The following ZNF385D variants were observed in gnomAD, a reference collection of about 807,000 sequenced individuals.
ZNF385D encodes the protein zinc finger protein 385D, also known as zinc finger protein 659.
A neutral mutation model predicts 35.8 loss-of-function variants in ZNF385D; 15 were observed. That is an observed-to-expected ratio of 0.42 (90% CI 0.28 to 0.64). The LOEUF (loss-of-function observed/expected upper bound fraction) is 0.64. Among genes scored for constraint, ZNF385D ranks in the 30% least tolerant of loss-of-function variants. The probability of loss-of-function intolerance (pLI) is 0.23; values close to 1 mark genes in which losing one functional copy is unlikely to be tolerated. For missense variants in ZNF385D, 474 were observed against 494.6 expected, an observed-to-expected ratio of 0.96 and a Z score of 0.39; for synonymous variants, 212 against 186.8, an observed-to-expected ratio of 1.13 and a Z score of -1.10.
chr3:22,138,320 A>C (rs1704281070), intron 3 of ZNF385D, among the ~76,000 whole-genome samples: 6 of 152,232 alleles, frequency 3.9e-5, no homozygotes, highest in Admixed American at 3.9e-4. Flanking sequence ...AAACTACTTT[A>C]CAGTTCATAT....
At chr3:21,792,803 G>C (rs4629355) in intron 3 of ZNF385D, among the ~76,000 whole-genome samples, 11,296 of 152,254 alleles carry the variant, frequency 0.074, 569 homozygotes, top group South Asian at 0.11. Flanking sequence ...CTTTCATCTA[G>C]AGCATCCAGC....
At chr3:21,829,297 GTC>G (rs1243481239) in intron 3 of ZNF385D, among the ~76,000 whole-genome samples, 1 of 152,128 alleles carries the variant, frequency 6.6e-6, no homozygotes, top group Non-Finnish European at 1.5e-5. Flanking sequence ...GCCAGAAAAA[GTC>G]TCTGAGATAT....
At chr3:22,042,328 A>AT (rs1698716695) in intron 3 of ZNF385D, among the ~76,000 whole-genome samples, 1 of 152,094 alleles carries the variant, frequency 6.6e-6, no homozygotes, top group Non-Finnish European at 1.5e-5. Flanking sequence ...TATGGCCCAT[A>AT]TTAAGTGCCC....
At chr3:22,206,449 G>T (rs1222025071) in intron 2 of ZNF385D, among the ~76,000 whole-genome samples, 6 of 151,866 alleles carry the variant, frequency 4.0e-5, no homozygotes, top group Admixed American at 2.6e-4. Flanking sequence ...TATTTACAGA[G>T]AATTTCATCC....
At chr3:21,689,434 G>T (rs2125338168) in intron 1 of ZNF385D, among the ~76,000 whole-genome samples, 1 of 152,222 alleles carries the variant, frequency 6.6e-6, no homozygotes, top group South Asian at 2.1e-4. Flanking sequence ...TAAAGAACCT[G>T]CAGATTGATT....
chr3:21,572,964 C>A lies in ZNF385D; in HGVS notation c.166-8280G>T, dbSNP rs1443483775. On this transcript the variant is annotated intron_variant, in intron 2 of 7. Coordinates refer to ENST00000281523, the MANE Select transcript of ZNF385D (RefSeq NM_024697.3). ...GAAGTAGACACTTTTTTTTTTACTC[C>A]ATTTTTTATATGAGAATTTTTAAGC... 2.0e-5 allele frequency among the ~76,000 whole-genome samples: 3 copies of A among 151,622 alleles called. No individual in the cohort carries two copies. In the East Asian group the frequency reaches 5.8e-4, roughly 29 times the overall value.
chr3:21,415,840 T>A lies in ZNF385D; in HGVS notation c.*5374A>T, dbSNP rs1700555296. The A allele has an allele frequency of 6.6e-6, 1 of 152,092 alleles. No individual in the cohort carries two copies. The highest frequency in any genetic ancestry group is 2.1e-4 in the South Asian group (1 of 4,828). The allele number at this position is 152,092 out of a possible 1,614,324, so 9.4% of individuals were successfully genotyped here. On this transcript the variant is annotated 3_prime_UTR_variant, in exon 8 of 8. Transcript: ENST00000281523. Reference sequence around the variant, plus strand: ...TTTACTTCGTTTGACAAATACATTTTAGCAGTTTCTACAGTCAACTTAGCC... The same window carrying A: ...TTTACTTCGTTTGACAAATACATTTAAGCAGTTTCTACAGTCAACTTAGCC...
At chr3:21,615,377 G>A (rs2064816085) in intron 2 of ZNF385D, among the ~76,000 whole-genome samples, 1 of 152,120 alleles carries the variant, frequency 6.6e-6, no homozygotes, top group Non-Finnish European at 1.5e-5. Context: ...AGAACTGTAA[G>A]GCAAATAAAC....
At chr3:21,752,824 G>GT (rs1375585679), upstream of ZNF385D, among the ~76,000 whole-genome samples, 3 of 152,216 alleles carry the variant, frequency 2.0e-5, no homozygotes, top group East Asian at 1.9e-4. Context: ...ATGCGTAAAT[G>GT]TTTTTTCCTT....
chr3:22,257,008 A>G (rs1700351786), intron 2 of ZNF385D, among the ~76,000 whole-genome samples: 1 of 151,920 alleles, frequency 6.6e-6, no homozygotes, highest in African/African-American at 2.4e-5. Context: ...AATAAGGCAC[A>G]TGTCAGTCAG....
At chr3:21,788,577 C>A (rs2125654040) in intron 3 of ZNF385D, among the ~76,000 whole-genome samples, 1 of 152,292 alleles carries the variant, frequency 6.6e-6, no homozygotes, top group Non-Finnish European at 1.5e-5. Flanking sequence ...AGTACATTGT[C>A]TTTGAATCAA....
Position 21,539,511 on chromosome 3 carries a change from T to A in ZNF385D, c.276+25063A>T, listed in dbSNP as rs1243669578. Among the ~76,000 whole-genome samples the A allele has an allele frequency of 6.6e-6, 1 of 152,208 alleles. No homozygotes were observed. ...TAGAAGGACATGACTTCTAATTAAA[T>A]CCACATTATTCAGTAATTTCATATG... On this transcript the variant is annotated intron_variant, in intron 3 of 7. Coordinates refer to ENST00000281523, the MANE Select transcript of ZNF385D (RefSeq NM_024697.3). The surrounding 1 kb of genome is among the most constrained non-coding windows in gnomAD (Gnocchi z 4.0).
intron 2 of ZNF385D, among the ~76,000 whole-genome samples, chr3:22,183,480 C>T (rs574322872): frequency 6.6e-6 from 1 of 152,150 alleles, no homozygotes; most frequent in South Asian, 2.1e-4. Flanking sequence ...GCCTCAGCCT[C>T]CTGAGTAGCT....
intron 3 of ZNF385D, among the ~76,000 whole-genome samples, chr3:21,517,366 G>T (rs1707638198): frequency 6.6e-6 from 1 of 152,124 alleles, no homozygotes; most frequent in Non-Finnish European, 1.5e-5. Context: ...CCAGGGCTAA[G>T]ATGCCTGCAG....
At chr3:21,847,029 T>C (rs1696050080) in intron 3 of ZNF385D, among the ~76,000 whole-genome samples, 1 of 152,060 alleles carries the variant, frequency 6.6e-6, no homozygotes, top group African/African-American at 2.4e-5. Flanking sequence ...AACCAGGTAC[T>C]TTTGTGTTAC....
intron 3 of ZNF385D, among the ~76,000 whole-genome samples, chr3:22,130,473 T>A (rs1703713200): frequency 6.6e-6 from 1 of 152,198 alleles, no homozygotes. Flanking sequence ...ACTCCAGTTC[T>A]GATAACTGGG....
intron 2 of ZNF385D, among the ~76,000 whole-genome samples, chr3:22,228,646 A>G (rs1056020077): frequency 2.0e-5 from 3 of 152,220 alleles, no homozygotes; most frequent in African/African-American, 7.2e-5. Flanking sequence ...TGAAGGTTGC[A>G]AAGTATTGTT....
chr3:21,991,675 C>G (rs1006174562), intron 3 of ZNF385D, among the ~76,000 whole-genome samples: 41 of 152,072 alleles, frequency 2.7e-4, no homozygotes, highest in Admixed American at 1.1e-3. Context: ...GTCCTAAGAG[C>G]CTAGGAGGTA....
chr3:22,098,090 T>C lies in ZNF385D; in HGVS notation c.325+70727A>G, dbSNP rs184222798. ...AAGAGGTGGTGGTAGTGGTGGTATATGTTGGGAAAAGACTGTCCACAAAAC... is the reference window on the plus strand; with the variant it reads ...AAGAGGTGGTGGTAGTGGTGGTATACGTTGGGAAAAGACTGTCCACAAAAC... On this transcript the variant is annotated intron_variant, in intron 3 of 5. Transcript: ENST00000494108. 7.8e-3 allele frequency among the ~76,000 whole-genome samples: 1,187 copies of C among 152,158 alleles called. 10 individuals are homozygous for C. Among genetic ancestry groups the C allele is most frequent in the Non-Finnish European group, 9.6e-3 (654 of 67,980 alleles).
Sources: gnomAD v4.1 joint callset for allele counts (sites outside exome capture counted in the v4.1 genomes callset) on GRCh38, gnomAD v4.1.1 for gene constraint, Gnocchi (gnomAD v3.1) non-coding constraint, MANE v1.5 for transcripts, NCBI Gene and HGNC (gene_info 2026-07-23, HGNC 2026-07-21) for gene names.